DLG2: variants seen among roughly 807,000 people sequenced by gnomAD.
DLG2 encodes discs large MAGUK scaffold protein 2.
DLG2 carries 45 observed loss-of-function variants against 132.5 expected under a neutral mutation model. That is an observed-to-expected ratio of 0.34 (90% CI 0.27 to 0.44). DLG2 has a LOEUF of 0.44. DLG2 is among the 20% of genes least tolerant of loss of function. The probability of loss-of-function intolerance (pLI) is 1.00; values close to 1 mark genes in which losing one functional copy is unlikely to be tolerated. For missense variants in DLG2, 1,045 were observed against 1,196.9 expected, an observed-to-expected ratio of 0.87 and a Z score of 1.87; for synonymous variants, 424 against 419.6, an observed-to-expected ratio of 1.01 and a Z score of -0.13.
intron 7 of DLG2, among the ~76,000 whole-genome samples, chr11:84,371,387 C>T (rs1326475207): frequency 6.6e-6 from 1 of 151,830 alleles, no homozygotes; most frequent in Admixed American, 6.6e-5. Context: ...TCCCAAGTAG[C>T]TGAAGTTACA....
At chr11:84,798,192 A>T (rs150601582) in intron 6 of DLG2, among the ~76,000 whole-genome samples, 1 of 152,104 alleles carries the variant, frequency 6.6e-6, no homozygotes, top group Non-Finnish European at 1.5e-5. Context: ...CTGTGTTCAT[A>T]TGAGGTCCTA....
At chr11:83,968,229 C>T (rs530319546) in intron 12 of DLG2, among the ~76,000 whole-genome samples, 5 of 152,078 alleles carry the variant, frequency 3.3e-5, no homozygotes, top group Non-Finnish European at 5.9e-5. Flanking sequence ...TATTTTGCTC[C>T]ATGTTGCTAT....
intron 11 of DLG2, among the ~76,000 whole-genome samples, chr11:84,041,901 G>C (rs1264978529): frequency 6.6e-6 from 1 of 151,876 alleles, no homozygotes; most frequent in Non-Finnish European, 1.5e-5. Context: ...TAGTGAATGA[G>C]TCTCATGAGA....
At chr11:84,208,270 G>A (rs889294584) in intron 8 of DLG2, among the ~76,000 whole-genome samples, 2 of 151,686 alleles carry the variant, frequency 1.3e-5, no homozygotes, top group African/African-American at 4.8e-5. Flanking sequence ...ACCGACTTTG[G>A]TGCACTCTCT....
chr11:85,481,357 T>C (rs747028439), intron 3 of DLG2, among the ~76,000 whole-genome samples: 1 of 152,158 alleles, frequency 6.6e-6, no homozygotes, highest in Non-Finnish European at 1.5e-5. Flanking sequence ...CAATTGTCCA[T>C]GCACAAAAAT....
intron 9 of DLG2, among the ~76,000 whole-genome samples, chr11:84,116,985 C>T (rs2093663726): frequency 6.6e-6 from 1 of 152,130 alleles, no homozygotes; most frequent in African/African-American, 2.4e-5. Flanking sequence ...CTAATCAAAC[C>T]CCAGTATTCA....
At chr11:85,470,275 A>G (rs1018828225) in intron 3 of DLG2, among the ~76,000 whole-genome samples, 3 of 151,982 alleles carry the variant, frequency 2.0e-5, no homozygotes, top group Non-Finnish European at 4.4e-5. Flanking sequence ...AAAACAAAAA[A>G]CCCTGGCCCA....
chr11:83,605,428 T>C (rs184436085), intron 19 of DLG2, among the ~76,000 whole-genome samples: 7 of 152,314 alleles, frequency 4.6e-5, no homozygotes, highest in Admixed American at 2.6e-4. Context: ...TAAACATAAA[T>C]GTCCCAACTA....
intron 18 of DLG2, among the ~76,000 whole-genome samples, chr11:83,697,142 G>A (rs912901382): frequency 6.6e-6 from 1 of 152,192 alleles, no homozygotes; most frequent in Non-Finnish European, 1.5e-5. Flanking sequence ...CTGGGGAGGA[G>A]AAAGTAGAAG....
intron 6 of DLG2, among the ~76,000 whole-genome samples, chr11:85,105,236 G>C (rs2071550981): frequency 6.6e-6 from 1 of 151,810 alleles, no homozygotes. Context: ...ATGAACCAAT[G>C]TCCCCCTCCA....
intron 6 of DLG2, among the ~76,000 whole-genome samples, chr11:84,879,009 C>A (rs2086861419): frequency 6.6e-6 from 1 of 152,288 alleles, no homozygotes; most frequent in East Asian, 1.9e-4. Flanking sequence ...GCTAGATCTT[C>A]TCTGCTAATC....
At chr11:85,227,606 T>C (rs1035243991) in intron 4 of DLG2, among the ~76,000 whole-genome samples, 5 of 152,154 alleles carry the variant, frequency 3.3e-5, no homozygotes, top group Admixed American at 2.0e-4. Context: ...TTGTTAACTA[T>C]CTTAAGGAAT....
chr11:85,149,425 G>T (rs2077079999), intron 5 of DLG2, among the ~76,000 whole-genome samples: 2 of 151,936 alleles, frequency 1.3e-5, no homozygotes, highest in Non-Finnish European at 2.9e-5. Context: ...TTTCAGTATG[G>T]TGAATATTCT....
chr11:85,556,189 T>C (rs894044755), intron 3 of DLG2, among the ~76,000 whole-genome samples: 4 of 151,854 alleles, frequency 2.6e-5, no homozygotes, highest in African/African-American at 9.7e-5. Context: ...ACAAGAAGTC[T>C]ACTCATTGCG....
intron 6 of DLG2, among the ~76,000 whole-genome samples, chr11:84,562,762 T>TC (rs1419389210): frequency 2.0e-4 from 30 of 151,690 alleles, no homozygotes; most frequent in Admixed American, 1.9e-3. Context: ...TTTTTTTTTT[T>TC]CTTTTGAGAC....
At chr11:84,457,801 A>G (rs1381830535) in intron 7 of DLG2, among the ~76,000 whole-genome samples, 1 of 150,988 alleles carries the variant, frequency 6.6e-6, no homozygotes, top group Non-Finnish European at 1.5e-5. Flanking sequence ...TTCGTGCAAA[A>G]TTGATTAAAT....
chr11:83,693,794 G>A (rs1001196147), intron 18 of DLG2: 17 of 152,168 alleles, frequency 1.1e-4, no homozygotes, highest in African/African-American at 3.6e-4. Context: ...GAGAGGATAT[G>A]CAACCACAAG....
chr11:84,076,690 G>T (rs2096834783), intron 10 of DLG2, among the ~76,000 whole-genome samples: 1 of 152,156 alleles, frequency 6.6e-6, no homozygotes, highest in Non-Finnish European at 1.5e-5. Context: ...GCCCCTTCCA[G>T]AAGTTAGTGG....
intron 3 of DLG2, among the ~76,000 whole-genome samples, chr11:85,434,323 A>C (rs753363854): frequency 2.0e-5 from 3 of 152,128 alleles, no homozygotes; most frequent in Non-Finnish European, 2.9e-5. Flanking sequence ...AACTAAGATG[A>C]GAAGGGAACT....
Sources: gnomAD v4.1 joint callset for allele counts (sites outside exome capture counted in the v4.1 genomes callset) on GRCh38, gnomAD v4.1.1 for gene constraint, MANE v1.5 for transcripts, NCBI Gene and HGNC (gene_info 2026-07-23, HGNC 2026-07-21) for gene names.